The following SNTB1 variants were observed in gnomAD, a reference collection of about 807,000 sequenced individuals.
SNTB1 encodes the protein beta-1-syntrophin.
A neutral mutation model predicts 48.9 loss-of-function variants in SNTB1; 36 were observed. The observed-to-expected ratio is 0.74, with a 90% CI of 0.56 to 0.97. SNTB1 has a LOEUF of 0.97. SNTB1 is among the 50% of genes least tolerant of loss of function. SNTB1 has a pLI of 0.00. For synonymous variants in SNTB1, 299 were observed against 294.6 expected (o/e 1.01, Z -0.15); for missense variants, 786 against 703.4 (o/e 1.12, Z -1.33).
intron 5 of SNTB1, among the ~76,000 whole-genome samples, chr8:120,544,838 A>G (rs1464962420): frequency 6.6e-6 from 1 of 151,378 alleles, no homozygotes; most frequent in African/African-American, 2.4e-5. Context: ...ATCAAAAATA[A>G]AAGCTTCCAA....
intron 4 of SNTB1, among the ~76,000 whole-genome samples, chr8:120,558,740 G>C (rs1815607855): frequency 6.6e-6 from 1 of 152,076 alleles, no homozygotes; most frequent in African/African-American, 2.4e-5. Flanking sequence ...ACTGCAAACT[G>C]GGGATAATAA....
intron 2 of SNTB1, among the ~76,000 whole-genome samples, chr8:120,678,268 C>G (rs4369031): frequency 0.15 from 23,140 of 152,052 alleles, 3,312 homozygotes; most frequent in African/African-American, 0.38. Context: ...TCTCTGCTGC[C>G]TTTTTATGGA....
At chr8:120,560,231 C>T (rs1488679664) in intron 4 of SNTB1, among the ~76,000 whole-genome samples, 4 of 152,154 alleles carry the variant, frequency 2.6e-5, no homozygotes, top group Non-Finnish European at 5.9e-5. Context: ...GCGTGTAATC[C>T]CATCACTTTG....
At chr8:120,755,167 TGTGTGAGAGA>T (rs71515983) in intron 1 of SNTB1, among the ~76,000 whole-genome samples, 27 of 110,582 alleles carry the variant, frequency 2.4e-4, no homozygotes, top group South Asian at 6.9e-4. Context: ...TGTGTGTGTG[TGTGTGAGAGA>T]GAGAGAGAGA....
At chr8:120,620,194 T>C (rs1443237607) in intron 3 of SNTB1, among the ~76,000 whole-genome samples, 5 of 152,194 alleles carry the variant, frequency 3.3e-5, no homozygotes, top group Non-Finnish European at 7.4e-5. Context: ...ACTTTTCTAA[T>C]AAGACATGCA....
chr8:120,626,764 T>C (rs1197830455), intron 3 of SNTB1, among the ~76,000 whole-genome samples: 1 of 152,220 alleles, frequency 6.6e-6, no homozygotes, highest in East Asian at 1.9e-4. Flanking sequence ...TCACCTCCTC[T>C]GGGGCATCTT....
At chr8:120,626,702 A>T (rs1011127545) in intron 3 of SNTB1, among the ~76,000 whole-genome samples, 1 of 152,054 alleles carries the variant, frequency 6.6e-6, no homozygotes, top group Non-Finnish European at 1.5e-5. Flanking sequence ...TTGCACTTTC[A>T]ATGATGTGAG....
At position 120,614,687 on chromosome 8, in the gene SNTB1, T is replaced by C. The variant is rs139466455; in HGVS notation, c.996+17757A>G. Among the ~76,000 whole-genome samples the C allele has an allele frequency of 3.3e-3, 510 of 152,320 alleles. 2 individuals carry two copies. Among genetic ancestry groups the C allele is most frequent in the African/African-American group, 0.012 (482 of 41,566 alleles). On this transcript the variant is annotated intron_variant, in intron 3 of 6. Transcript: ENST00000517992. ...TTGGTAATAAAAGCCATTATCGGAC[T>C]CTTCAAACATTTCAACTTTTCTCCC...
At chr8:120,734,582 A>G (rs1818911092) in intron 1 of SNTB1, among the ~76,000 whole-genome samples, 1 of 152,126 alleles carries the variant, frequency 6.6e-6, no homozygotes. Context: ...CATTATCACC[A>G]TTTTATAGAT....
chr8:120,792,073 C>A (rs1213773577), intron 1 of SNTB1, among the ~76,000 whole-genome samples: 1 of 150,768 alleles, frequency 6.6e-6, no homozygotes, highest in East Asian at 1.9e-4. Context: ...GAGTGGGTAC[C>A]ACTCATATAT....
At chr8:120,572,655 G>A (rs1186970496) in intron 4 of SNTB1, among the ~76,000 whole-genome samples, 7 of 152,172 alleles carry the variant, frequency 4.6e-5, no homozygotes, top group East Asian at 1.9e-4. Flanking sequence ...ATGGGAGGCC[G>A]AGGGAGGAAG....
chr8:120,725,696 A>G (rs1818741835), intron 1 of SNTB1, among the ~76,000 whole-genome samples: 1 of 152,182 alleles, frequency 6.6e-6, no homozygotes, highest in African/African-American at 2.4e-5. Context: ...CAGAGAAAGG[A>G]CAGATTAAAT....
At chr8:120,671,710 T>G (rs1272072484) in intron 2 of SNTB1, among the ~76,000 whole-genome samples, 1 of 152,232 alleles carries the variant, frequency 6.6e-6, no homozygotes, top group Admixed American at 6.5e-5. Context: ...TGTAGTAATT[T>G]GTTATGGAAG....
intron 4 of SNTB1, among the ~76,000 whole-genome samples, chr8:120,560,030 G>A (rs1220203038): frequency 5.9e-5 from 9 of 152,214 alleles, no homozygotes; most frequent in South Asian, 2.1e-4. Flanking sequence ...GAGTCTGGGC[G>A]TCAAGAGACC....
At chr8:120,690,353 G>A (rs1818104369) in intron 2 of SNTB1, among the ~76,000 whole-genome samples, 1 of 152,082 alleles carries the variant, frequency 6.6e-6, no homozygotes, top group Non-Finnish European at 1.5e-5. Context: ...TCCTCTACTT[G>A]CCCTTACTTG....
intron 3 of SNTB1, among the ~76,000 whole-genome samples, chr8:120,616,781 A>G (rs1185667803): frequency 6.6e-6 from 1 of 152,256 alleles, no homozygotes; most frequent in African/African-American, 2.4e-5. Flanking sequence ...TTATTAGCAC[A>G]ATTCAAAGAG....
Position 120,681,501 on chromosome 8 carries a change from C to T in SNTB1, c.788+12191G>A, listed in dbSNP as rs563669351. 1.7e-4 allele frequency among the ~76,000 whole-genome samples: 26 copies of T among 152,264 alleles called. No homozygotes were observed. In the South Asian group the frequency reaches 5.4e-3, roughly 32 times the overall value. On this transcript the variant is annotated intron_variant, in intron 2 of 6. Transcript: ENST00000517992. Reference sequence around the variant, plus strand: ...TGCATGGGCTCAGAACCTCCAGAGACAGGGTAGGGGGTGATATGGCCCTGA... The same window carrying T: ...TGCATGGGCTCAGAACCTCCAGAGATAGGGTAGGGGGTGATATGGCCCTGA...
chr8:120,611,728 A>G (rs1353565840), intron 3 of SNTB1, among the ~76,000 whole-genome samples: 1 of 149,292 alleles, frequency 6.7e-6, no homozygotes, highest in Non-Finnish European at 1.5e-5. Context: ...AGGCTGAGGC[A>G]GGAGAATCGC....
intron 2 of SNTB1, among the ~76,000 whole-genome samples, chr8:120,683,352 A>G (rs1459099822): frequency 6.6e-6 from 1 of 152,182 alleles, no homozygotes; most frequent in Non-Finnish European, 1.5e-5. Context: ...ACATAAATTC[A>G]GGAATGCTTC....
Sources: allele counts gnomAD v4.1 joint callset (sites outside exome capture counted in the v4.1 genomes callset), GRCh38; gene constraint gnomAD v4.1.1; transcripts MANE v1.5; gene names NCBI Gene and HGNC (gene_info 2026-07-23, HGNC 2026-07-21).